Variants in DGKD observed in about 807,000 individuals in gnomAD.
DGKD encodes the protein DAG kinase delta.
A neutral mutation model predicts 154.4 loss-of-function variants in DGKD; 68 were observed. The ratio of observed to expected loss-of-function variants is 0.44; its 90% CI spans 0.36 to 0.54. The LOEUF is 0.54. DGKD is among the 20% of genes least tolerant of loss of function. The probability of loss-of-function intolerance (pLI) is 0.00; values close to 1 mark genes in which losing one functional copy is unlikely to be tolerated. For missense variants in DGKD, 1,343 were observed against 1,593.6 expected (o/e 0.84, Z 2.68); for synonymous variants, 693 against 638.0 (o/e 1.09, Z -1.30).
At chr2:233,465,961 G>T (rs1248068748) in intron 27 of DGKD, among the ~76,000 whole-genome samples, 4 of 151,976 alleles carry the variant, frequency 2.6e-5, no homozygotes, top group African/African-American at 9.7e-5. Flanking sequence ...GACAATAAAT[G>T]ATAAAAAGAG....
chr2:233,369,825 T>A (rs559580664), intron 1 of DGKD, among the ~76,000 whole-genome samples: 81 of 152,112 alleles, frequency 5.3e-4, no homozygotes, highest in Non-Finnish European at 1.0e-3. Context: ...GTAGTGGGTG[T>A]TTGCTGATCA....
intron 29 of DGKD, 70 bp from the exon 30 acceptor site, chr2:233,469,301 A>T (rs1308933696): frequency 4.4e-6 from 6 of 1,362,744 alleles, no homozygotes; most frequent in Non-Finnish European, 6.2e-6. Flanking sequence ...CCGTTGTGGC[A>T]GGCCTGCTGT....
At chr2:233,456,819 C>G (rs757804709) in intron 19 of DGKD, 80 bp from the exon 20 acceptor site, 16 of 1,081,346 alleles carry the variant, frequency 1.5e-5, no homozygotes, top group African/African-American at 1.6e-5. Context: ...AGATGCTGTT[C>G]CCAGCTTTCA....
In DGKD at chr2:233,450,125, C is replaced by G; in HGVS notation, c.2032C>G (p.Arg678Gly). The G allele has an allele frequency of 1.9e-6, 3 of 1,609,158 alleles. No homozygotes were observed. The highest frequency in any genetic ancestry group is 2.5e-6 in the Non-Finnish European group (3 of 1,177,400). The stretch of plus-strand genomic sequence containing the variant: ...CGGGGTCCCCAAGGGGAGGAGCCAG[C>G]GCAAAGGTACTTGTGCCTCCACCTC... ...SFGVPKGRSQ[R>G]KVSKSPCEKL... The change falls in exon 16 of 30, where the codon CGC becomes GGC. Residue 678 changes from arginine to glycine, a missense_variant. Arg to Gly is a moderately radical substitution (Grantham distance 125, BLOSUM62 -2). Transcript: ENST00000264057.
At chr2:233,386,171 T>TC in intron 1 of DGKD, 1 of 317,922 alleles carries the variant, frequency 3.1e-6, no homozygotes, top group East Asian at 8.5e-5. Context: ...TTTTTTTTTT[T>TC]CCCATTTAGG....
chr2:233,380,612 C>T (rs762963968), intron 1 of DGKD, among the ~76,000 whole-genome samples: 3 of 152,126 alleles, frequency 2.0e-5, no homozygotes, highest in African/African-American at 4.8e-5. Flanking sequence ...TGAAAGGTCC[C>T]CCGCGACCAC....
chr2:233,450,257 A>C, intron 16 of DGKD, 126 bp downstream of exon 16: 1 of 1,261,786 alleles, frequency 7.9e-7, no homozygotes, highest in Non-Finnish European at 1.1e-6. Flanking sequence ...GTTACATAAA[A>C]ATTGAGCGCC....
Position 233,445,564 on chromosome 2 carries a change from T to C in DGKD, c.1195-59T>C, listed in dbSNP as rs1559558756. On this transcript the variant is annotated intron_variant, in intron 10 of 29. Transcript: ENST00000264057. The surrounding 1 kb of genome is among the most constrained non-coding windows in gnomAD (Gnocchi z 5.5). ...GTGGGGGACAAGGAGGGCTGCGGGC[T>C]GGGAAGTGGCCCCTGCCCCCAGGTG... is the stretch of plus-strand genomic sequence containing the variant. 1 of 1,528,354 alleles carries C rather than the reference T, an allele frequency of 6.5e-7. No homozygotes were observed. The highest frequency in any genetic ancestry group is 8.8e-7 in the Non-Finnish European group (1 of 1,136,178). The allele number at this position is 1,528,354 out of a possible 1,614,324, so 94.7% of individuals were successfully genotyped here. A position where few individuals can be genotyped will look rare whatever the true frequency, so the allele number is the denominator to read the frequency against.
intron 1 of DGKD, among the ~76,000 whole-genome samples, chr2:233,370,570 CTTTTTTTTT>C (rs56301429): frequency 3.2e-5 from 4 of 123,344 alleles, no homozygotes; most frequent in Non-Finnish European, 6.8e-5. Flanking sequence ...AGAACTTCTT[CTTTTTTTTT>C]TTTTTTTTTT....
Position 233,457,953 on chromosome 2 carries a change from G to T in DGKD, c.2581-331G>T. The T allele has an allele frequency of 2.7e-6, 1 of 366,182 alleles. No homozygotes were observed. The highest frequency in any genetic ancestry group is 5.1e-6 in the Non-Finnish European group (1 of 194,528). 22.7% of individuals were successfully genotyped at this position (366,182 alleles called of 1,614,324 possible). A position where few individuals can be genotyped will look rare whatever the true frequency, so the allele number is the denominator to read the frequency against. On this transcript the variant is annotated intron_variant, in intron 21 of 29. Transcript: ENST00000264057. This position sits in a 1 kb window ranked among gnomAD's most constrained non-coding sequence, Gnocchi z 5.5. ...GTATTCAGCGCTTCCTGCACACGTG[G>T]TGTGTGCTGGCCCCAGTCCTGGCAC...
At chr2:233,464,975 C>T (rs2063782403) in intron 27 of DGKD, among the ~76,000 whole-genome samples, 1 of 152,230 alleles carries the variant, frequency 6.6e-6, no homozygotes, top group East Asian at 1.9e-4. Flanking sequence ...GCACCCCTGC[C>T]CAGTGGGGTT....
Position 233,467,327 on chromosome 2 carries a change from CCCCG to C in DGKD, c.3424+125_3424+128del, listed in dbSNP as rs1342108304. ...TCCCTCTTGGTCCCTGTGCTGTAAC[CCCCG>C]GTCCTGCGACCACACTTGTCTGTTG... On this transcript the variant is annotated intron_variant, in intron 28 of 29. Coordinates refer to ENST00000264057, the MANE Select transcript of DGKD (RefSeq NM_152879.3). 1.1e-5 allele frequency: 8 copies of C among 735,298 alleles called. No individual in the cohort carries two copies. In the African/African-American group the frequency reaches 1.4e-4, roughly 13 times the overall value. 45.5% of individuals were successfully genotyped at this position (735,298 alleles called of 1,614,324 possible). A position where few individuals can be genotyped will look rare whatever the true frequency, so the allele number is the denominator to read the frequency against.
intron 3 of DGKD, among the ~76,000 whole-genome samples, chr2:233,396,805 G>A (rs556831245): frequency 3.2e-4 from 49 of 152,280 alleles, no homozygotes; most frequent in Middle Eastern, 3.4e-3. Context: ...GGGGCAGGTG[G>A]AGGGACCAGC....
chr2:233,464,751 G>A lies in DGKD; in HGVS notation c.3306+468G>A, dbSNP rs115037763. On this transcript the variant is annotated intron_variant, in intron 27 of 29. Transcript: ENST00000264057. ...GCAGGTCTGGGAGGGACCCGAGGAC[G>A]CAGGGCATAGCGGACCCTGGGGTGG... is the stretch of plus-strand genomic sequence containing the variant. Among the ~76,000 whole-genome samples the A allele has an allele frequency of 1.3e-3, 205 of 152,362 alleles. 2 individuals are homozygous for A. Among genetic ancestry groups the A allele is most frequent in the African/African-American group, 4.6e-3 (192 of 41,588 alleles).
At position 233,354,551 on chromosome 2, in the gene DGKD, T is replaced by TC; in HGVS notation, c.38dup (p.Gln14AlafsTer63). 1 of 1,015,740 alleles carries TC rather than the reference T, an allele frequency of 9.8e-7. No individual in the cohort carries two copies. Among genetic ancestry groups the TC allele is most frequent in the Admixed American group, 5.8e-5 (1 of 17,190 alleles). The allele number at this position is 1,015,740 out of a possible 1,614,324, so 62.9% of individuals were successfully genotyped here. On this transcript the variant is annotated frameshift_variant, in exon 1 of 30. Coordinates refer to ENST00000264057, the MANE Select transcript of DGKD (RefSeq NM_152879.3). LOFTEE classifies it high-confidence loss of function. This position sits in a 1 kb window ranked among gnomAD's most constrained non-coding sequence, Gnocchi z 4.8. ...CGGCGGCGGGCGCCCCTCCGCCGGG[T>TC]CCCCCGCAACCGCCTCCGCCGCCGC...
In DGKD at chr2:233,464,283, G is replaced by A. The variant is rs1282537944; in HGVS notation, c.3306G>A (p.Glu1102=). 1 of 1,613,584 alleles carries A rather than the reference G, an allele frequency of 6.2e-7. No homozygotes were observed. Among genetic ancestry groups the A allele is most frequent in the African/African-American group, 1.3e-5 (1 of 75,074 alleles). ...AGTCCGCAGAGCCCGGCGACGAAGAGGTATGTGGCTCATAGGGCTGTGCCT... is the reference window on the plus strand; with the variant it reads ...AGTCCGCAGAGCCCGGCGACGAAGAAGTATGTGGCTCATAGGGCTGTGCCT... ...LCQSAEPGDE[E]SVMLDLAKRS... Residue 1102 remains glutamate, a splice_region_variant and synonymous_variant, in exon 27 of 30, where the codon GAG becomes GAA. Transcript: ENST00000264057.
At chr2:233,410,319 C>T (rs565814057) in intron 3 of DGKD, among the ~76,000 whole-genome samples, 1 of 152,270 alleles carries the variant, frequency 6.6e-6, no homozygotes, top group Non-Finnish European at 1.5e-5. Flanking sequence ...TTGTCCTGTG[C>T]CCGTCATTGA....
At chr2:233,417,562 G>A (rs565614804) in intron 3 of DGKD, among the ~76,000 whole-genome samples, 1 of 152,152 alleles carries the variant, frequency 6.6e-6, no homozygotes, top group South Asian at 2.1e-4. Flanking sequence ...CTCAAAAATT[G>A]CATTATGGCA....
chr2:233,462,522 C>G, intron 25 of DGKD, 63 bp downstream of exon 25: 1 of 1,539,180 alleles, frequency 6.5e-7, no homozygotes, highest in Non-Finnish European at 8.9e-7. Flanking sequence ...CGGCCCTCCC[C>G]GTGCGTGTTC....
Sources: gnomAD v4.1 joint callset for allele counts (sites outside exome capture counted in the v4.1 genomes callset) on GRCh38, gnomAD v4.1.1 for gene constraint, Gnocchi (gnomAD v3.1) non-coding constraint, MANE v1.5 for transcripts, NCBI Gene and HGNC (gene_info 2026-07-23, HGNC 2026-07-21) for gene names.